Variants in MINPP1 observed in about 807,000 individuals in gnomAD.
MINPP1 encodes the protein multiple inositol-polyphosphate phosphatase 1.
MINPP1 carries 28 observed loss-of-function variants against 46.1 expected under a neutral mutation model. That is an observed-to-expected ratio of 0.61 (90% CI 0.45 to 0.83). MINPP1 has a LOEUF of 0.83. Among genes scored for constraint, MINPP1 ranks in the 40% least tolerant of loss-of-function variants. The pLI is 0.00. For synonymous variants in MINPP1, 268 were observed against 249.1 expected (o/e 1.08, Z -0.72); for missense variants, 603 against 610.0 (o/e 0.99, Z 0.12).
At chr10:87,540,815 C>A (rs1437295639) in intron 4 of MINPP1, among the ~76,000 whole-genome samples, 2 of 152,146 alleles carry the variant, frequency 1.3e-5, no homozygotes, top group African/African-American at 2.4e-5. Flanking sequence ...GGGCAAAGAG[C>A]AGCATGTTCA....
At chr10:87,536,500 A>G (rs1330286376) in intron 4 of MINPP1, among the ~76,000 whole-genome samples, 2 of 152,190 alleles carry the variant, frequency 1.3e-5, no homozygotes, top group African/African-American at 4.8e-5. Flanking sequence ...CCATGAAACC[A>G]TCACCATAAT....
At chr10:87,520,199 C>G (rs1391936879) in intron 3 of MINPP1, among the ~76,000 whole-genome samples, 1 of 151,900 alleles carries the variant, frequency 6.6e-6, no homozygotes, top group Non-Finnish European at 1.5e-5. Flanking sequence ...TTTTTGATAA[C>G]TGCAAAGTAT....
intron 2 of MINPP1, among the ~76,000 whole-genome samples, chr10:87,511,959 A>G (rs1337252642): frequency 6.6e-6 from 1 of 152,196 alleles, no homozygotes; most frequent in African/African-American, 2.4e-5. Flanking sequence ...TGTATTATAT[A>G]CTGCCTCAGG....
rs1381093602 is a variant in MINPP1 at position 87,552,216 on chromosome 10, G to A, written c.1202G>A (p.Arg401Gln). The change falls in exon 5 of 5, where the codon CGG (arginine) becomes CAG (glutamine). Residue 401 changes from arginine (R) to glutamine (Q), a missense_variant. Around this residue, in one of 3 missense-constraint regions of MINPP1, gnomAD observed 344 missense variants for 381.1 expected, o/e 0.90. Coordinates refer to ENST00000371996, the MANE Select transcript of MINPP1 (RefSeq NM_004897.5). ...TACAATTACAAAAAACAAATGCATCGGAAGTTCCGAAGTGGTCTCATTGTA... is the reference window on the plus strand; with the variant it reads ...TACAATTACAAAAAACAAATGCATCAGAAGTTCCGAAGTGGTCTCATTGTA... ...TAYNYKKQMHRKFRSGLIVPY... is the reference protein window; with the variant it reads ...TAYNYKKQMHQKFRSGLIVPY... 1.9e-6 allele frequency: 3 copies of A among 1,613,718 alleles called. No individual in the cohort carries two copies. Among genetic ancestry groups the A allele is most frequent in the South Asian group, 1.1e-5 (1 of 91,064 alleles).
intron 1 of MINPP1, among the ~76,000 whole-genome samples, chr10:87,506,212 A>C (rs1488316148): frequency 6.6e-6 from 1 of 151,260 alleles, no homozygotes; most frequent in African/African-American, 2.4e-5. Context: ...TTATTCCATT[A>C]ATTACACTTT....
At chr10:87,527,026 T>G (rs777902179) in intron 4 of MINPP1, among the ~76,000 whole-genome samples, 21 of 152,162 alleles carry the variant, frequency 1.4e-4, no homozygotes, top group Admixed American at 2.6e-4. Context: ...CTTGGCAATG[T>G]GGGCTCTTTT....
rs148451386 is a variant in MINPP1, at chr10:87,529,244, G to C, written c.1067+8075G>C. Among the ~76,000 whole-genome samples, 1,153 of 152,226 alleles carry C rather than the reference G, an allele frequency of 7.6e-3. 4 individuals carry two copies. The highest frequency in any genetic ancestry group is 0.017 in the Middle Eastern group (5 of 294). The stretch of plus-strand genomic sequence containing the variant: ...AATATTGTTATGTGTGAATTTGATC[G>C]TGTCATTATGATGTTAGCTGGTTTT... On this transcript the variant is annotated intron_variant, in intron 4 of 4. Transcript: ENST00000371996.
At chr10:87,526,543 A>G (rs1375479784) in intron 4 of MINPP1, among the ~76,000 whole-genome samples, 1 of 152,122 alleles carries the variant, frequency 6.6e-6, no homozygotes, top group African/African-American at 2.4e-5. Context: ...GAAGCTCTTT[A>G]GTTTAATTAG....
At chr10:87,525,232 A>T (rs879493092) in intron 4 of MINPP1, among the ~76,000 whole-genome samples, 1 of 152,216 alleles carries the variant, frequency 6.6e-6, no homozygotes, top group Non-Finnish European at 1.5e-5. Context: ...ACTTTAGAAC[A>T]TTTTCATCGC....
chr10:87,513,302 C>G (rs997737250), intron 3 of MINPP1, 81 bp downstream of exon 3: 3 of 958,346 alleles, frequency 3.1e-6, no homozygotes, highest in Admixed American at 1.9e-5. Flanking sequence ...TTACTTGAAG[C>G]AGCTTTTCAG....
At position 87,552,133 on chromosome 10, in the gene MINPP1, T is replaced by G. The variant is rs751011342; in HGVS notation, c.1119T>G (p.Thr373=). The G allele has an allele frequency of 3.1e-6, 5 of 1,613,612 alleles. No individual in the cohort carries two copies. Among genetic ancestry groups the G allele is most frequent in the Non-Finnish European group, 3.4e-6 (4 of 1,179,684 alleles). ...TCCTCCAGTTTGGTCATGCAGAGAC[T>G]CTTCTTCCACTGCTTTCTCTCATGG... ...PVILQFGHAE[T]LLPLLSLMGY... is the part of the protein sequence containing the mutation. Residue 373 remains threonine, a synonymous_variant, in exon 5 of 5, where the codon ACT becomes ACG. Coordinates refer to ENST00000371996, the MANE Select transcript of MINPP1 (RefSeq NM_004897.5).
chr10:87,532,755 G>T (rs1431200860), intron 4 of MINPP1, among the ~76,000 whole-genome samples: 2 of 152,186 alleles, frequency 1.3e-5, no homozygotes, highest in Admixed American at 1.3e-4. Flanking sequence ...ATCAATATAT[G>T]CTCAGCAAGG....
intron 1 of MINPP1, among the ~76,000 whole-genome samples, chr10:87,506,390 T>C (rs756371001): frequency 3.3e-5 from 5 of 152,308 alleles, no homozygotes; most frequent in Non-Finnish European, 4.4e-5. Context: ...TAGTTACAAA[T>C]AATAATGATA....
At chr10:87,548,336 C>G (rs115697083) in intron 4 of MINPP1, among the ~76,000 whole-genome samples, 1,709 of 152,252 alleles carry the variant, frequency 0.011, 35 homozygotes, top group African/African-American at 0.039. Flanking sequence ...CTCCCCTCCC[C>G]CTCCAAGAAG....
chr10:87,528,111 GTC>G (rs1341485231), intron 4 of MINPP1, among the ~76,000 whole-genome samples: 1 of 151,608 alleles, frequency 6.6e-6, no homozygotes, highest in Non-Finnish European at 1.5e-5. Context: ...TTCTTTATTA[GTC>G]TTGCTAGCAG....
intron 4 of MINPP1, among the ~76,000 whole-genome samples, chr10:87,524,946 GTATTACTAAAA>G (rs1564676598): frequency 1.3e-5 from 2 of 150,372 alleles, no homozygotes; most frequent in Non-Finnish European, 1.5e-5. Flanking sequence ...GAAATATTGT[GTATTACTAAAA>G]TGTGATACAT....
intron 4 of MINPP1, among the ~76,000 whole-genome samples, chr10:87,550,657 G>C (rs901881918): frequency 2.0e-5 from 3 of 151,850 alleles, no homozygotes; most frequent in Non-Finnish European, 2.9e-5. Flanking sequence ...ATCTCACAGA[G>C]CCCCCCCGTT....
At chr10:87,538,920 GC>G (rs1299945629) in intron 4 of MINPP1, among the ~76,000 whole-genome samples, 6 of 152,164 alleles carry the variant, frequency 3.9e-5, no homozygotes, top group Non-Finnish European at 8.8e-5. Context: ...TTCTGGTTGA[GC>G]TTTTTGAATA....
At chr10:87,541,652 A>G (rs1460369223) in intron 4 of MINPP1, among the ~76,000 whole-genome samples, 1 of 152,154 alleles carries the variant, frequency 6.6e-6, no homozygotes, top group African/African-American at 2.4e-5. Context: ...CAGGTTGTAA[A>G]AGCATGGCTC....
Sources: gnomAD v4.1 joint callset for allele counts (sites outside exome capture counted in the v4.1 genomes callset) on GRCh38, gnomAD v4.1.1 for gene constraint, gnomAD v4.1.1 regional missense constraint, MANE v1.5 for transcripts, NCBI Gene and HGNC (gene_info 2026-07-23, HGNC 2026-07-21) for gene names.